The following SORCS3 variants were observed in gnomAD, a reference collection of about 807,000 sequenced individuals.
SORCS3 encodes VPS10 domain-containing receptor SorCS3.
A neutral mutation model predicts 146.3 loss-of-function variants in SORCS3; 57 were observed. The observed-to-expected ratio is 0.39, with a 90% CI of 0.31 to 0.49. The LOEUF (loss-of-function observed/expected upper bound fraction) is 0.49, where lower values mean the gene tolerates loss of function less well. SORCS3 is among the 20% of genes least tolerant of loss of function. The probability of loss-of-function intolerance (pLI) is 0.92; values close to 1 mark genes in which losing one functional copy is unlikely to be tolerated. For synonymous variants in SORCS3, 653 were observed against 618.5 expected, an observed-to-expected ratio of 1.06 and a Z score of -0.83; for missense variants, 1,341 against 1,575.5, an observed-to-expected ratio of 0.85 and a Z score of 2.52.
chr10:105,200,739 T>C (rs1258214584), intron 15 of SORCS3, among the ~76,000 whole-genome samples: 1 of 151,844 alleles, frequency 6.6e-6, no homozygotes, highest in African/African-American at 2.4e-5. Flanking sequence ...CTGAAGACCA[T>C]GTGAAAAATG....
chr10:105,009,527 C>CAAAAA (rs35368294), intron 4 of SORCS3, among the ~76,000 whole-genome samples: 2 of 105,218 alleles, frequency 1.9e-5, no homozygotes, highest in African/African-American at 6.2e-5. Flanking sequence ...AACAAACAAA[C>CAAAAA]AAAAAAAAAA....
At chr10:104,905,698 G>GA (rs1172923215) in intron 2 of SORCS3, among the ~76,000 whole-genome samples, 1 of 152,160 alleles carries the variant, frequency 6.6e-6, no homozygotes, top group Non-Finnish European at 1.5e-5. Context: ...GCAGAAAAGA[G>GA]AAAAAGATGT....
intron 22 of SORCS3, among the ~76,000 whole-genome samples, chr10:105,248,214 T>C (rs2056878693): frequency 6.6e-6 from 1 of 152,186 alleles, no homozygotes; most frequent in Admixed American, 6.5e-5. Context: ...ATAAGTCTAA[T>C]GTATAAGCAG....
At chr10:104,902,781 T>A (rs2018864787) in intron 2 of SORCS3, among the ~76,000 whole-genome samples, 1 of 152,236 alleles carries the variant, frequency 6.6e-6, no homozygotes, top group Non-Finnish European at 1.5e-5. Context: ...CTAATAACAC[T>A]GCTTGATGGC....
rs570468843 is a variant in SORCS3 at position 104,746,433 on chromosome 10, C to T, written c.628-96359C>T. Among the ~76,000 whole-genome samples the T allele has an allele frequency of 7.2e-5, 11 of 152,218 alleles. No individual in the cohort carries two copies. In the South Asian group the frequency reaches 1.2e-3, roughly 17 times the overall value. On this transcript the variant is annotated intron_variant, in intron 1 of 26. Transcript: ENST00000369701. ...TTACAGGCGTGAGCCACCGCACCAGCGATAAATGTTTTCAATGTGAAGTGA... is the reference window on the plus strand; with the variant it reads ...TTACAGGCGTGAGCCACCGCACCAGTGATAAATGTTTTCAATGTGAAGTGA...
intron 4 of SORCS3, among the ~76,000 whole-genome samples, chr10:104,979,242 A>G (rs1039374441): frequency 2.6e-5 from 4 of 152,192 alleles, no homozygotes; most frequent in Admixed American, 6.5e-5. Context: ...TATCCGTTAG[A>G]TGAATGAATT....
At chr10:104,853,920 T>G (rs2018301210) in intron 2 of SORCS3, among the ~76,000 whole-genome samples, 1 of 152,328 alleles carries the variant, frequency 6.6e-6, no homozygotes. Context: ...AAAATACCAC[T>G]TATAAAAACC....
In SORCS3 at chr10:104,919,480, C is replaced by T. The variant is rs147104465; in HGVS notation, c.795+3548C>T. Among the ~76,000 whole-genome samples the T allele has an allele frequency of 5.9e-4, 90 of 151,980 alleles. 1 individual carries two copies. Among genetic ancestry groups the T allele is most frequent in the African/African-American group, 2.0e-3 (83 of 41,444 alleles). On this transcript the variant is annotated intron_variant, in intron 3 of 26. Coordinates refer to ENST00000369701, the MANE Select transcript of SORCS3 (RefSeq NM_014978.3). ...CTGAGGTGGGCAGATCACCTGAGGTCGGGAGTTCGAGACCAGCCTGACCAA... is the reference window on the plus strand; with the variant it reads ...CTGAGGTGGGCAGATCACCTGAGGTTGGGAGTTCGAGACCAGCCTGACCAA...
intron 4 of SORCS3, among the ~76,000 whole-genome samples, chr10:105,035,117 A>G (rs1358587590): frequency 6.6e-6 from 1 of 152,184 alleles, no homozygotes; most frequent in Non-Finnish European, 1.5e-5. Context: ...GCTCAAAAAC[A>G]TACCCCTGGG....
chr10:104,879,541 C>A (rs2018610627), intron 2 of SORCS3, among the ~76,000 whole-genome samples: 2 of 152,180 alleles, frequency 1.3e-5, no homozygotes, highest in South Asian at 4.1e-4. Flanking sequence ...AGCATATTGG[C>A]AGGCCCCAGA....
chr10:104,743,913 C>A (rs1402011920), intron 1 of SORCS3, among the ~76,000 whole-genome samples: 3 of 152,136 alleles, frequency 2.0e-5, no homozygotes, highest in African/African-American at 4.8e-5. Flanking sequence ...TCAGAATGGG[C>A]CTCCCTAAAT....
intron 16 of SORCS3, among the ~76,000 whole-genome samples, chr10:105,201,774 C>T (rs537474726): frequency 1.3e-5 from 2 of 152,304 alleles, no homozygotes; most frequent in South Asian, 2.1e-4. Context: ...CTGGCCTCCC[C>T]CTTCTCTTGG....
Position 104,647,245 on chromosome 10 carries a change from T to C in SORCS3, c.627+5291T>C, listed in dbSNP as rs181129479. Among the ~76,000 whole-genome samples, 143 of 152,284 alleles carry C rather than the reference T, an allele frequency of 9.4e-4. 2 individuals carry two copies. In the South Asian group the frequency reaches 0.016, roughly 17 times the overall value. On this transcript the variant is annotated intron_variant, in intron 1 of 26. Transcript: ENST00000369701. Reference sequence around the variant, plus strand: ...ACTTTGGATTTGACTCTTCCCTGATTGACTCCTGCATTCTGGCCAGGGCAG... The same window carrying C: ...ACTTTGGATTTGACTCTTCCCTGATCGACTCCTGCATTCTGGCCAGGGCAG...
At chr10:104,644,547 A>G (rs1372796642) in intron 1 of SORCS3, among the ~76,000 whole-genome samples, 2 of 152,204 alleles carry the variant, frequency 1.3e-5, no homozygotes, top group African/African-American at 4.8e-5. Context: ...GGTGTTGTAA[A>G]TAAAAGCCAG....
At chr10:104,871,951 T>G (rs951670794) in intron 2 of SORCS3, among the ~76,000 whole-genome samples, 5 of 152,126 alleles carry the variant, frequency 3.3e-5, no homozygotes, top group Non-Finnish European at 7.4e-5. Context: ...GGAACACATC[T>G]GTACTGTAGG....
chr10:105,219,407 T>C (rs1240624740), intron 19 of SORCS3, among the ~76,000 whole-genome samples: 1 of 152,218 alleles, frequency 6.6e-6, no homozygotes, highest in Admixed American at 6.5e-5. Context: ...GGGCCAGTCA[T>C]GTAGGTACCT....
intron 7 of SORCS3, among the ~76,000 whole-genome samples, chr10:105,119,098 T>G (rs2055913093): frequency 2.0e-5 from 3 of 151,966 alleles, no homozygotes; most frequent in Admixed American, 2.0e-4. Context: ...GGGCCTAGGG[T>G]CCCCCTGCTG....
At chr10:104,642,022 G>GGTGGGGGGGGGGGGGGGGCCCCC in intron 1 of SORCS3, 68 bp downstream of exon 1, 1 of 173,336 alleles carries the variant, frequency 5.8e-6, no homozygotes, top group Non-Finnish European at 1.1e-5. Context: ...GGGTGGGTGG[G>GGTGGGGGGGGGGGGGGGGCCCCC]AGCGAGGGAC....
intron 5 of SORCS3, among the ~76,000 whole-genome samples, chr10:105,060,538 G>A (rs1412134579): frequency 6.6e-6 from 1 of 152,180 alleles, no homozygotes; most frequent in East Asian, 1.9e-4. Flanking sequence ...AGGAAGAGCT[G>A]GGGACGAGGT....
Sources: allele counts gnomAD v4.1 joint callset (sites outside exome capture counted in the v4.1 genomes callset), GRCh38; gene constraint gnomAD v4.1.1; transcripts MANE v1.5; gene names NCBI Gene and HGNC (gene_info 2026-07-23, HGNC 2026-07-21).